The following ENTPD1 variants were observed in gnomAD, a reference collection of about 807,000 sequenced individuals.
ENTPD1 encodes the protein ectonucleoside triphosphate diphosphohydrolase 1.
A neutral mutation model predicts 57.0 loss-of-function variants in ENTPD1; 33 were observed. The ratio of observed to expected loss-of-function variants is 0.58; its 90% CI spans 0.44 to 0.77. The LOEUF (loss-of-function observed/expected upper bound fraction) is 0.77. Among genes scored for constraint, ENTPD1 ranks in the 30% least tolerant of loss-of-function variants. The pLI, the probability that ENTPD1 is intolerant of heterozygous loss-of-function variation, is 0.00. For missense variants in ENTPD1, 501 were observed against 603.4 expected, an observed-to-expected ratio of 0.83 and a Z score of 1.78; for synonymous variants, 202 against 218.8, an observed-to-expected ratio of 0.92 and a Z score of 0.68.
intron 1 of ENTPD1, among the ~76,000 whole-genome samples, chr10:95,750,258 T>C (rs1257223278): frequency 6.6e-6 from 1 of 152,180 alleles, no homozygotes; most frequent in Non-Finnish European, 1.5e-5. Context: ...CGGGGGATGA[T>C]GTGGTTTGGA....
chr10:95,846,987 T>TG (rs2098436977), intron 6 of ENTPD1, among the ~76,000 whole-genome samples: 1 of 109,624 alleles, frequency 9.1e-6, no homozygotes, highest in Non-Finnish European at 2.0e-5. Context: ...AGACTCCATC[T>TG]CAAAAAAAAA....
At chr10:95,823,435 T>C (rs1213477128) in intron 2 of ENTPD1, 71 bp downstream of exon 2, 2 of 1,605,498 alleles carry the variant, frequency 1.2e-6, no homozygotes, top group Non-Finnish European at 1.7e-6. Flanking sequence ...GGAGGAGGGA[T>C]AAGGTATGTA....
rs2098428552 is a variant in ENTPD1, at chr10:95,844,106, T to C, written c.414-370T>C. The stretch of plus-strand genomic sequence containing the variant: ...GCTAGGAGCCACCCACAGTGGTTAA[T>C]ATAGCACACATCAGCTTCAGGTATG... On this transcript the variant is annotated intron_variant, in intron 4 of 9. Transcript: ENST00000371205. Among the ~76,000 whole-genome samples, 3 of 152,148 alleles carry C rather than the reference T, an allele frequency of 2.0e-5. No homozygotes were observed. The South Asian group carries it at 6.2e-4, about 32-fold the overall frequency.
chr10:95,840,693 TTTCTTTTAAG>T (rs1309718883), intron 3 of ENTPD1, among the ~76,000 whole-genome samples: 1 of 152,316 alleles, frequency 6.6e-6, no homozygotes, highest in Admixed American at 6.5e-5. Flanking sequence ...CAATAATTTT[TTTCTTTTAAG>T]GTCATAATAT....
intron 1 of ENTPD1, among the ~76,000 whole-genome samples, chr10:95,760,525 G>C (rs2098053118): frequency 6.6e-6 from 1 of 152,194 alleles, no homozygotes. Flanking sequence ...GCAATCAGCT[G>C]CACATTAAAT....
Position 95,791,745 on chromosome 10 carries a change from G to A in ENTPD1, c.17-31492G>A, listed in dbSNP as rs1045638502. Among the ~76,000 whole-genome samples, 1 of 152,180 alleles carries A rather than the reference G, an allele frequency of 6.6e-6. No individual in the cohort carries two copies. The highest frequency in any genetic ancestry group is 2.4e-5 in the African/African-American group (1 of 41,450). On this transcript the variant is annotated intron_variant, in intron 1 of 9. Coordinates refer to ENST00000371205, the MANE Select transcript of ENTPD1 (RefSeq NM_001776.6). This position sits in a 1 kb window ranked among gnomAD's most constrained non-coding sequence, Gnocchi z 4.1. The stretch of plus-strand genomic sequence containing the variant: ...GAATCACCCGGCTGGGGGTAGAGGT[G>A]TTAAAAGTGAACAGTGCCTGGGCCC...
intron 1 of ENTPD1, among the ~76,000 whole-genome samples, chr10:95,716,049 C>A (rs905334781): frequency 2.0e-5 from 3 of 152,068 alleles, no homozygotes; most frequent in Non-Finnish European, 2.9e-5. Flanking sequence ...AAAATTTGTG[C>A]AGTCAGGGGT....
chr10:95,858,191 G>A (rs1224967638), intron 7 of ENTPD1, among the ~76,000 whole-genome samples: 1 of 151,124 alleles, frequency 6.6e-6, no homozygotes, highest in African/African-American at 2.4e-5. Context: ...TGGGAGGAAA[G>A]AGACAGTCCT....
At chr10:95,844,664 G>A (rs1199177670) in intron 5 of ENTPD1, 29 bp downstream of exon 5, 1 of 1,613,696 alleles carries the variant, frequency 6.2e-7, no homozygotes, top group East Asian at 2.2e-5. Flanking sequence ...CCATGGAGGT[G>A]GCTCTCTGGA....
chr10:95,762,354 C>G (rs2098068481), intron 1 of ENTPD1, among the ~76,000 whole-genome samples: 4 of 149,452 alleles, frequency 2.7e-5, no homozygotes, highest in Admixed American at 2.7e-4. Flanking sequence ...GGAAGAAAAA[C>G]AATCACTTGT....
chr10:95,718,308 T>G (rs1272803471), intron 1 of ENTPD1, among the ~76,000 whole-genome samples: 1 of 152,178 alleles, frequency 6.6e-6, no homozygotes, highest in East Asian at 1.9e-4. Flanking sequence ...TGCTGAGTAC[T>G]GGGGCTTGGT....
the ENTPD1 span, among the ~76,000 whole-genome samples, chr10:95,703,030 C>A: frequency 2.6e-5 from 4 of 152,182 alleles, no homozygotes; most frequent in African/African-American, 7.2e-5. Flanking sequence ...CGTGATCCAC[C>A]CGCCTCGGGC....
At chr10:95,699,536 A>T in the ENTPD1 span, among the ~76,000 whole-genome samples, 1 of 151,998 alleles carries the variant, frequency 6.6e-6, no homozygotes, top group Non-Finnish European at 1.5e-5. Flanking sequence ...TGAGCCCAAG[A>T]GGTTGAGGCT....
chr10:95,759,370 C>G (rs887190182), intron 1 of ENTPD1, among the ~76,000 whole-genome samples: 2 of 152,300 alleles, frequency 1.3e-5, no homozygotes, highest in African/African-American at 4.8e-5. Context: ...GAACTTCAGC[C>G]CCTACTCCCT....
At chr10:95,787,219 T>C (rs987571017) in intron 1 of ENTPD1, among the ~76,000 whole-genome samples, 9 of 152,194 alleles carry the variant, frequency 5.9e-5, no homozygotes, top group African/African-American at 2.2e-4. Context: ...ATATGATTTA[T>C]TGATACAACT....
chr10:95,721,210 G>A (rs998649914), intron 1 of ENTPD1, among the ~76,000 whole-genome samples: 6 of 152,152 alleles, frequency 3.9e-5, no homozygotes, highest in African/African-American at 1.4e-4. Flanking sequence ...GGACATCATT[G>A]AATAATTTAT....
At chr10:95,720,915 C>A (rs143147833) in intron 1 of ENTPD1, among the ~76,000 whole-genome samples, 26 of 152,254 alleles carry the variant, frequency 1.7e-4, no homozygotes, top group African/African-American at 6.0e-4. Flanking sequence ...AAAGCGGTGG[C>A]CTTTTTCTTA....
chr10:95,776,174 T>C (rs1040780643), intron 1 of ENTPD1, among the ~76,000 whole-genome samples: 21 of 152,236 alleles, frequency 1.4e-4, no homozygotes, highest in Non-Finnish European at 2.4e-4. Context: ...AATTTGATCC[T>C]GTCATTATGA....
At chr10:95,839,377 T>G in intron 2 of ENTPD1, 1 of 383,198 alleles carries the variant, frequency 2.6e-6, no homozygotes, top group South Asian at 2.4e-5. Flanking sequence ...TCTCAGCTAC[T>G]TCAGCATGTG....
Sources: allele counts gnomAD v4.1 joint callset (sites outside exome capture counted in the v4.1 genomes callset), GRCh38; gene constraint gnomAD v4.1.1; non-coding constraint Gnocchi (gnomAD v3.1); transcripts MANE v1.5; gene names NCBI Gene and HGNC (gene_info 2026-07-23, HGNC 2026-07-21).